The following LIN7A variants were observed in gnomAD, a reference collection of about 807,000 sequenced individuals.
LIN7A encodes the protein lin-7 cell polarity scaffold A.
A neutral mutation model predicts 29.8 loss-of-function variants in LIN7A; 25 were observed. That is an observed-to-expected ratio of 0.84 (90% CI 0.61 to 1.17). The LOEUF (loss-of-function observed/expected upper bound fraction) is 1.17. Ranked by LOEUF, LIN7A falls within the 50% of genes most tolerant of loss-of-function variation. The probability of loss-of-function intolerance (pLI) is 0.00; values close to 1 mark genes in which losing one functional copy is unlikely to be tolerated. For synonymous variants in LIN7A, 118 were observed against 107.5 expected, an observed-to-expected ratio of 1.10 and a Z score of -0.60; for missense variants, 239 against 287.0, an observed-to-expected ratio of 0.83 and a Z score of 1.21.
chr12:80,813,794 A>G (rs539371766), intron 4 of LIN7A, among the ~76,000 whole-genome samples: 5 of 152,158 alleles, frequency 3.3e-5, no homozygotes, highest in Non-Finnish European at 7.4e-5. Flanking sequence ...GCGGATCACC[A>G]GGGCAGATGA....
chr12:80,808,528 T>G (rs556042784), intron 5 of LIN7A, among the ~76,000 whole-genome samples: 3 of 149,050 alleles, frequency 2.0e-5, no homozygotes, highest in Non-Finnish European at 4.5e-5. Flanking sequence ...TTTTTTGAGA[T>G]AGAGTCTCGC....
At chr12:80,900,325 G>A (rs1309039732) in intron 1 of LIN7A, among the ~76,000 whole-genome samples, 1 of 151,986 alleles carries the variant, frequency 6.6e-6, no homozygotes, top group African/African-American at 2.4e-5. Flanking sequence ...GGTTTGCTCT[G>A]GTTTCTCTAG....
At chr12:80,806,716 A>G (rs989812781) in intron 5 of LIN7A, among the ~76,000 whole-genome samples, 3 of 152,246 alleles carry the variant, frequency 2.0e-5, no homozygotes, top group Non-Finnish European at 4.4e-5. Flanking sequence ...AAGCAACTGT[A>G]GTAAGAATTA....
At chr12:80,844,976 C>A (rs1259825484) in intron 4 of LIN7A, among the ~76,000 whole-genome samples, 2 of 152,074 alleles carry the variant, frequency 1.3e-5, no homozygotes, top group Non-Finnish European at 2.9e-5. Flanking sequence ...CGATGGTTCA[C>A]GCCTGTAATC....
intron 1 of LIN7A, among the ~76,000 whole-genome samples, chr12:80,928,691 G>A (rs1453072828): frequency 1.3e-5 from 2 of 152,118 alleles, no homozygotes; most frequent in Admixed American, 6.5e-5. Flanking sequence ...GAGCTCTTTA[G>A]TTTAAGTAGA....
chr12:80,847,988 C>T, intron 3 of LIN7A: 1 of 549,270 alleles, frequency 1.8e-6, no homozygotes, highest in Non-Finnish European at 3.3e-6. Context: ...ACACAATGAA[C>T]CAGTAGATTT....
rs1870367118 is a variant in LIN7A at position 80,794,707 on chromosome 12, C to G, written c.*3020G>C. ...TAGATCTAAGTATTGTCTTAAAAGA[C>G]TGTGATTGTTCACATAACTGGAGAA... is the stretch of plus-strand genomic sequence containing the variant. On this transcript the variant is annotated 3_prime_UTR_variant, in exon 6 of 6. Transcript: ENST00000552864. 6.6e-6 allele frequency: 1 copy of G among 152,124 alleles called. No homozygotes were observed. The highest frequency in any genetic ancestry group is 2.1e-4 in the South Asian group (1 of 4,828). 9.4% of individuals were successfully genotyped at this position (152,124 alleles called of 1,614,324 possible). A position where few individuals can be genotyped will look rare whatever the true frequency, so the allele number is the denominator to read the frequency against.
At chr12:80,837,641 T>A (rs990550571) in intron 4 of LIN7A, among the ~76,000 whole-genome samples, 3 of 152,144 alleles carry the variant, frequency 2.0e-5, no homozygotes, top group African/African-American at 7.2e-5. Context: ...GATAATACAT[T>A]TCTGTTGTTT....
chr12:80,864,551 G>C (rs1874044639), intron 2 of LIN7A, among the ~76,000 whole-genome samples: 1 of 152,210 alleles, frequency 6.6e-6, no homozygotes, highest in Non-Finnish European at 1.5e-5. Flanking sequence ...TATCACTACT[G>C]TCAGAAAAAT....
intron 1 of LIN7A, among the ~76,000 whole-genome samples, chr12:80,902,727 A>G (rs1043725668): frequency 6.6e-6 from 1 of 152,026 alleles, no homozygotes; most frequent in African/African-American, 2.4e-5. Flanking sequence ...CTGAAACTTT[A>G]CTTAAGTCAT....
chr12:80,827,965 T>G (rs1256509012), intron 4 of LIN7A, among the ~76,000 whole-genome samples: 2 of 152,196 alleles, frequency 1.3e-5, no homozygotes. Context: ...GCCAGAATTT[T>G]GTATGACTAG....
intron 2 of LIN7A, among the ~76,000 whole-genome samples, chr12:80,865,819 T>C (rs1400368469): frequency 6.6e-6 from 1 of 152,204 alleles, no homozygotes; most frequent in Non-Finnish European, 1.5e-5. Context: ...TAGAGAATGT[T>C]TCTTCTGTAA....
intron 1 of LIN7A, among the ~76,000 whole-genome samples, chr12:80,908,587 C>G (rs1396765366): frequency 1.3e-5 from 2 of 151,920 alleles, no homozygotes; most frequent in Non-Finnish European, 2.9e-5. Context: ...CAAGAAGAGC[C>G]ATTTCTATAC....
chr12:80,885,302 G>T (rs1169079538), intron 2 of LIN7A, among the ~76,000 whole-genome samples: 1 of 152,070 alleles, frequency 6.6e-6, no homozygotes, highest in Non-Finnish European at 1.5e-5. Context: ...TGAAGCTAAA[G>T]CTTGAAGTCA....
chr12:80,855,174 T>A (rs1873536189), intron 2 of LIN7A, among the ~76,000 whole-genome samples: 1 of 151,874 alleles, frequency 6.6e-6, no homozygotes, highest in African/African-American at 2.4e-5. Context: ...GACCAAGTTA[T>A]CTCAAGAGGG....
intron 5 of LIN7A, among the ~76,000 whole-genome samples, chr12:80,806,995 A>T (rs1247210982): frequency 6.6e-6 from 1 of 151,846 alleles, no homozygotes; most frequent in Non-Finnish European, 1.5e-5. Flanking sequence ...TAGTTTGTAT[A>T]ATAAATGCTT....
At position 80,882,287 on chromosome 12, in the gene LIN7A, C is replaced by CTTTTTT. The variant is rs56000415; in HGVS notation, c.201+6958_201+6963dup. ...ACAGTACTATCATTTTTCTTTCATT[C>CTTTTTT]TTTTTTTTTTTTTTTGAGACGGAGT... On this transcript the variant is annotated intron_variant, in intron 2 of 5. Coordinates refer to ENST00000552864, the MANE Select transcript of LIN7A (RefSeq NM_004664.4). Among the ~76,000 whole-genome samples, 21 of 87,698 alleles carry CTTTTTT rather than the reference C, an allele frequency of 2.4e-4. 5 individuals are homozygous for CTTTTTT. The highest frequency in any genetic ancestry group is 4.9e-4 in the Non-Finnish European group (17 of 35,016). 57.5% of individuals were successfully genotyped at this position (87,698 alleles called of 152,430 possible).
intron 5 of LIN7A, among the ~76,000 whole-genome samples, chr12:80,809,050 A>G (rs956212757): frequency 2.7e-5 from 4 of 150,352 alleles, no homozygotes; most frequent in Admixed American, 2.7e-4. Flanking sequence ...CAATGGCTCG[A>G]TCTCGGCTTA....
intron 2 of LIN7A, among the ~76,000 whole-genome samples, chr12:80,878,964 C>G (rs1874873467): frequency 6.6e-6 from 1 of 152,164 alleles, no homozygotes; most frequent in Non-Finnish European, 1.5e-5. Flanking sequence ...TCCAAAAGTC[C>G]AGCTGGCTTC....
Sources: allele counts gnomAD v4.1 joint callset (sites outside exome capture counted in the v4.1 genomes callset), GRCh38; gene constraint gnomAD v4.1.1; transcripts MANE v1.5; gene names NCBI Gene and HGNC (gene_info 2026-07-23, HGNC 2026-07-21).